EIF4E3: variants seen among roughly 807,000 people sequenced by gnomAD.
The protein encoded by EIF4E3 is eukaryotic translation initiation factor 4E type 3.
In EIF4E3, 26 loss-of-function variants were observed where a neutral mutation model predicts 31.7. The ratio of observed to expected loss-of-function variants is 0.82; its 90% confidence interval spans 0.60 to 1.14. EIF4E3 has a LOEUF of 1.14. Ranked by LOEUF, EIF4E3 falls within the 50% of genes most tolerant of loss-of-function variation. The probability of loss-of-function intolerance (pLI) is 0.00; values close to 1 mark genes in which losing one functional copy is unlikely to be tolerated. For missense variants in EIF4E3, 304 were observed against 270.9 expected (o/e 1.12, Z -0.86); for synonymous variants, 128 against 107.7 (o/e 1.19, Z -1.17).
Position 71,696,442 on chromosome 3 carries a change from G to C in EIF4E3, c.405+18C>G, listed in dbSNP as rs369768758. ...TCCAAGCCTCGCCGGTTCTAGAAGA[G>C]GATCAGTAGGAACCTACCGTGCTGT... On this transcript the variant is annotated intron_variant, in intron 4 of 6. Transcript: ENST00000425534. 1 of 1,613,716 alleles carries C rather than the reference G, an allele frequency of 6.2e-7. No individual in the cohort carries two copies. The highest frequency in any genetic ancestry group is 8.5e-7 in the Non-Finnish European group (1 of 1,179,862).
At chr3:71,718,497 T>C (rs911303933) in intron 1 of EIF4E3, among the ~76,000 whole-genome samples, 5 of 152,224 alleles carry the variant, frequency 3.3e-5, no homozygotes, top group Admixed American at 6.5e-5. Flanking sequence ...TCTTGAGATA[T>C]ATTAATCCCT....
chr3:71,705,218 C>T (rs9821302), intron 2 of EIF4E3, among the ~76,000 whole-genome samples: 14,536 of 152,128 alleles, frequency 0.096, 1,145 homozygotes, highest in African/African-American at 0.22. Flanking sequence ...AATCTTTCCA[C>T]CATCCTCCAT....
chr3:71,666,174 AT>A, the EIF4E3 span, among the ~76,000 whole-genome samples: 1 of 152,206 alleles, frequency 6.6e-6, no homozygotes, highest in Non-Finnish European at 1.5e-5. Context: ...TTTTGAAAAG[AT>A]TAACAAAACA....
chr3:71,686,837 T>G (rs1388109010), intron 6 of EIF4E3, among the ~76,000 whole-genome samples: 1 of 152,150 alleles, frequency 6.6e-6, no homozygotes, highest in Non-Finnish European at 1.5e-5. Flanking sequence ...CATTCAGAAT[T>G]GGGAGTGCCT....
chr3:71,659,468 A>T, the EIF4E3 span, among the ~76,000 whole-genome samples: 2 of 152,212 alleles, frequency 1.3e-5, no homozygotes, highest in Non-Finnish European at 2.9e-5. Flanking sequence ...ATCAACTGTG[A>T]CAGGGGCACA....
upstream of EIF4E3, among the ~76,000 whole-genome samples, chr3:71,726,555 T>C (rs1306087618): frequency 6.6e-6 from 1 of 152,218 alleles, no homozygotes; most frequent in African/African-American, 2.4e-5. Flanking sequence ...TGGGATGCCA[T>C]CTCCTCATTG....
At chr3:71,711,102 T>C (rs1252852722) in intron 1 of EIF4E3, among the ~76,000 whole-genome samples, 2 of 152,246 alleles carry the variant, frequency 1.3e-5, no homozygotes, top group Non-Finnish European at 2.9e-5. Flanking sequence ...TTTAGTTTGC[T>C]ATGTGTTCCA....
At chr3:71,705,555 G>A (rs774704996) in intron 2 of EIF4E3, among the ~76,000 whole-genome samples, 7 of 152,160 alleles carry the variant, frequency 4.6e-5, no homozygotes, top group African/African-American at 1.7e-4. Context: ...AAGAAATACT[G>A]GGTAGAATGT....
chr3:71,663,530 G>GT, the EIF4E3 span, among the ~76,000 whole-genome samples: 1 of 152,178 alleles, frequency 6.6e-6, no homozygotes, highest in Non-Finnish European at 1.5e-5. Flanking sequence ...GGGCCCTTGG[G>GT]TTTTTTCCAG....
At position 71,710,509 on chromosome 3, in the gene EIF4E3, G is replaced by C. The variant is rs778942060; in HGVS notation, c.177-25C>G. The stretch of plus-strand genomic sequence containing the variant: ...TCTAGGCAAGCAGGAGCAGGACAAA[G>C]ACACAAACAAAACAAGCAGTCAGTG... On this transcript the variant is annotated intron_variant, in intron 1 of 6. Transcript: ENST00000425534. 9.7e-6 allele frequency: 15 copies of C among 1,551,386 alleles called. No homozygotes were observed. In the South Asian group the frequency reaches 1.8e-4, roughly 18 times the overall value.
chr3:71,672,640 T>G (rs974991644), downstream of EIF4E3, among the ~76,000 whole-genome samples: 1 of 152,180 alleles, frequency 6.6e-6, no homozygotes, highest in African/African-American at 2.4e-5. Flanking sequence ...AAGTAAAACG[T>G]GTGATCTGCT....
chr3:71,721,538 G>A (rs2049549225), intron 1 of EIF4E3, among the ~76,000 whole-genome samples: 1 of 152,146 alleles, frequency 6.6e-6, no homozygotes, highest in African/African-American at 2.4e-5. Flanking sequence ...GGCAGGACCA[G>A]GTGAAGGTAA....
chr3:71,686,570 G>A (rs1429883404), intron 6 of EIF4E3, among the ~76,000 whole-genome samples: 1 of 151,924 alleles, frequency 6.6e-6, no homozygotes, highest in Admixed American at 6.6e-5. Context: ...GTGTGTGTGT[G>A]TGTGTGTGTT....
chr3:71,732,311 A>G (rs189229115), intron 1 of EIF4E3, among the ~76,000 whole-genome samples: 56 of 152,338 alleles, frequency 3.7e-4, no homozygotes, highest in Admixed American at 9.1e-4. Context: ...AACACACCCC[A>G]GATAGGGACA....
At chr3:71,741,027 T>G (rs1328560574) in intron 1 of EIF4E3, among the ~76,000 whole-genome samples, 1 of 151,922 alleles carries the variant, frequency 6.6e-6, no homozygotes, top group Non-Finnish European at 1.5e-5. Context: ...TCCCAGCTAC[T>G]TGGGAGGCTG....
intron 6 of EIF4E3, 137 bp downstream of exon 6, chr3:71,689,873 A>T: frequency 3.5e-6 from 3 of 852,528 alleles, no homozygotes; most frequent in Non-Finnish European, 4.8e-6. Flanking sequence ...AAAAAACTTA[A>T]ATGTATTTTG....
the EIF4E3 span, among the ~76,000 whole-genome samples, chr3:71,662,205 T>A: frequency 1.3e-5 from 2 of 152,204 alleles, no homozygotes; most frequent in African/African-American, 4.8e-5. Flanking sequence ...TGTCTCAGTA[T>A]AGAACCACTT....
the EIF4E3 span, among the ~76,000 whole-genome samples, chr3:71,660,549 G>A: frequency 6.6e-6 from 1 of 152,114 alleles, no homozygotes; most frequent in Non-Finnish European, 1.5e-5. Context: ...GCAGCCGAGG[G>A]ATCCTTAGAG....
chr3:71,697,784 T>A (rs1216747712), intron 3 of EIF4E3, among the ~76,000 whole-genome samples: 1 of 152,224 alleles, frequency 6.6e-6, no homozygotes, highest in African/African-American at 2.4e-5. Context: ...ATGGTGTACA[T>A]GTACCATATT....
Sources: gnomAD v4.1 joint callset for allele counts (sites outside exome capture counted in the v4.1 genomes callset) on GRCh38, gnomAD v4.1.1 for gene constraint, MANE v1.5 for transcripts, NCBI Gene and HGNC (gene_info 2026-07-23, HGNC 2026-07-21) for gene names.